The following UNC5C variants were observed in gnomAD, a reference collection of about 807,000 sequenced individuals.
UNC5C encodes the protein netrin receptor UNC5C.
UNC5C carries 47 observed loss-of-function variants against 99.8 expected under a neutral mutation model. That is an observed-to-expected ratio of 0.47 (90% CI 0.37 to 0.60). The LOEUF (loss-of-function observed/expected upper bound fraction) is 0.60, where lower values mean the gene tolerates loss of function less well. UNC5C is among the 20% of genes least tolerant of loss of function. UNC5C has a pLI of 0.00. For synonymous variants in UNC5C, 487 were observed against 452.2 expected, an observed-to-expected ratio of 1.08 and a Z score of -0.98; for missense variants, 1,062 against 1,165.9, an observed-to-expected ratio of 0.91 and a Z score of 1.30.
In UNC5C at chr4:95,453,503, A is replaced by G. The variant is rs563752064; in HGVS notation, c.124+95231T>C. 3.5e-4 allele frequency among the ~76,000 whole-genome samples: 53 copies of G among 152,234 alleles called. No individual in the cohort carries two copies. The South Asian group carries it at 0.011, about 31-fold the overall frequency. ...AAAAAAGAGAAAAGGAAGAAAAAAA[A>G]GAAAGAAAAAACAAAAAAGAAACAG... On this transcript the variant is annotated intron_variant, in intron 1 of 15. Transcript: ENST00000453304.
At chr4:95,224,584 A>C (rs1738603856) in intron 7 of UNC5C, among the ~76,000 whole-genome samples, 1 of 150,966 alleles carries the variant, frequency 6.6e-6, no homozygotes, top group African/African-American at 2.4e-5. Context: ...CTGCAATCTC[A>C]TTCCAGGCAC....
intron 2 of UNC5C, among the ~76,000 whole-genome samples, chr4:95,317,973 G>A (rs923414491): frequency 6.6e-6 from 1 of 152,072 alleles, no homozygotes; most frequent in African/African-American, 2.4e-5. Flanking sequence ...GTCTATGTCT[G>A]AATCCCTGGG....
intron 14 of UNC5C, among the ~76,000 whole-genome samples, chr4:95,178,518 C>A (rs914050705): frequency 6.6e-6 from 1 of 152,220 alleles, no homozygotes. Flanking sequence ...TCTATGATAA[C>A]ACTGTGCCCC....
At chr4:95,413,414 C>G (rs147033128) in intron 1 of UNC5C, among the ~76,000 whole-genome samples, 1 of 152,182 alleles carries the variant, frequency 6.6e-6, no homozygotes, top group Non-Finnish European at 1.5e-5. Flanking sequence ...TGCCAGCAAT[C>G]TCCTACAGAA....
At chr4:95,380,113 T>C (rs1745020920) in intron 1 of UNC5C, among the ~76,000 whole-genome samples, 1 of 152,226 alleles carries the variant, frequency 6.6e-6, no homozygotes, top group African/African-American at 2.4e-5. Context: ...CTCTGTTGTC[T>C]TGATTCGCTG....
intron 1 of UNC5C, among the ~76,000 whole-genome samples, chr4:95,354,584 A>G (rs529519100): frequency 1.3e-5 from 2 of 150,598 alleles, no homozygotes; most frequent in Non-Finnish European, 3.0e-5. Context: ...GGCTCAAGCC[A>G]TCCTCCCACC....
At chr4:95,470,890 G>A (rs1747946540) in intron 1 of UNC5C, among the ~76,000 whole-genome samples, 1 of 151,884 alleles carries the variant, frequency 6.6e-6, no homozygotes, top group South Asian at 2.1e-4. Flanking sequence ...AAACAAAAAA[G>A]AAGTATGAAA....
rs752976726 is a variant in UNC5C at position 95,237,084 on chromosome 4, T to G, written c.1108+5345A>C. 1.3e-5 allele frequency among the ~76,000 whole-genome samples: 2 copies of G among 152,214 alleles called. 1 individual carries two copies. The highest frequency in any genetic ancestry group is 1.3e-4 in the Admixed American group (2 of 15,266). ...AGGTTGGTTATAATACCTAATACAA[T>G]TTAAATGTTAAATAAATTGTTATAC... On this transcript the variant is annotated intron_variant, in intron 7 of 15. Coordinates refer to ENST00000453304, the MANE Select transcript of UNC5C (RefSeq NM_003728.4).
At chr4:95,522,463 G>C (rs1182544513) in intron 1 of UNC5C, among the ~76,000 whole-genome samples, 6 of 152,062 alleles carry the variant, frequency 3.9e-5, no homozygotes, top group Non-Finnish European at 7.4e-5. Context: ...AGAGGTTTGG[G>C]AGGAAGAGAG....
chr4:95,219,418 A>C, intron 8 of UNC5C, 105 bp from the exon 9 acceptor site: 23 of 1,096,690 alleles, frequency 2.1e-5, no homozygotes, highest in Middle Eastern at 3.0e-4. Context: ...AAAGCAGCTC[A>C]GCTAATATCG....
chr4:95,493,571 A>T (rs1578194001), intron 1 of UNC5C, among the ~76,000 whole-genome samples: 1 of 151,392 alleles, frequency 6.6e-6, no homozygotes, highest in African/African-American at 2.4e-5. Flanking sequence ...CTGGGAAAAA[A>T]TGGTACTACA....
intron 1 of UNC5C, among the ~76,000 whole-genome samples, chr4:95,455,611 G>A (rs1253478765): frequency 6.6e-6 from 1 of 151,974 alleles, no homozygotes; most frequent in Non-Finnish European, 1.5e-5. Flanking sequence ...CTGGGAGACA[G>A]GGCAAGACTC....
At chr4:95,497,648 T>G (rs558630327) in intron 1 of UNC5C, among the ~76,000 whole-genome samples, 5 of 151,990 alleles carry the variant, frequency 3.3e-5, no homozygotes, top group African/African-American at 1.2e-4. Flanking sequence ...TGCACACAGA[T>G]AAAATAATAG....
chr4:95,412,950 C>A (rs1746040994), intron 1 of UNC5C, among the ~76,000 whole-genome samples: 1 of 152,146 alleles, frequency 6.6e-6, no homozygotes, highest in Non-Finnish European at 1.5e-5. Context: ...ACTTACTTTC[C>A]ATCTACATAC....
intron 1 of UNC5C, among the ~76,000 whole-genome samples, chr4:95,519,243 A>G (rs1448682443): frequency 6.6e-6 from 1 of 152,160 alleles, no homozygotes; most frequent in African/African-American, 2.4e-5. Flanking sequence ...CCCATTCAGC[A>G]ATAGGACCTG....
At chr4:95,345,760 G>A (rs1207612710) in intron 1 of UNC5C, among the ~76,000 whole-genome samples, 3 of 151,912 alleles carry the variant, frequency 2.0e-5, no homozygotes, top group African/African-American at 7.2e-5. Flanking sequence ...CAACCAGTGG[G>A]TCAATGAAGA....
intron 1 of UNC5C, among the ~76,000 whole-genome samples, chr4:95,467,108 GGT>G (rs1747806345): frequency 6.6e-6 from 1 of 152,122 alleles, no homozygotes; most frequent in East Asian, 1.9e-4. Context: ...CTCCAGCCCT[GGT>G]CAAGCTTTCA....
intron 2 of UNC5C, among the ~76,000 whole-genome samples, chr4:95,317,195 G>A (rs564893307): frequency 1.3e-5 from 2 of 152,218 alleles, no homozygotes; most frequent in Non-Finnish European, 2.9e-5. Context: ...GTCTCCCAGT[G>A]CCCAGCTTAG....
intron 2 of UNC5C, among the ~76,000 whole-genome samples, chr4:95,315,310 T>C (rs1489555170): frequency 1.3e-5 from 2 of 152,198 alleles, no homozygotes; most frequent in Non-Finnish European, 2.9e-5. Context: ...GTCATAACAA[T>C]CTTAGGAAGG....
Sources: allele counts gnomAD v4.1 joint callset (sites outside exome capture counted in the v4.1 genomes callset), GRCh38; gene constraint gnomAD v4.1.1; transcripts MANE v1.5; gene names NCBI Gene and HGNC (gene_info 2026-07-23, HGNC 2026-07-21).